PRKCA: variants seen among roughly 807,000 people sequenced by gnomAD.
PRKCA encodes the protein protein kinase C alpha type.
In PRKCA, 27 loss-of-function variants were observed where a neutral mutation model predicts 87.0. That is an observed-to-expected ratio of 0.31 (90% CI 0.23 to 0.43). PRKCA has a LOEUF of 0.43. PRKCA is among the 20% of genes least tolerant of loss of function. PRKCA has a pLI of 1.00. For synonymous variants in PRKCA, 329 were observed against 311.1 expected (o/e 1.06, Z -0.61); for missense variants, 518 against 852.3 (o/e 0.61, Z 4.88).
At chr17:66,457,305 G>A (rs939459091) in intron 2 of PRKCA, among the ~76,000 whole-genome samples, 1 of 152,114 alleles carries the variant, frequency 6.6e-6, no homozygotes, top group African/African-American at 2.4e-5. Flanking sequence ...GGCATTTGGG[G>A]TGAAGAGATG....
rs1364948185 is a variant in PRKCA, at chr17:66,701,037, T to C, written c.918+11990T>C. ...AGGACGGAGGTATCACACTTTCTGA[T>C]CCAAATTATATTACACATCTATAAT... On this transcript the variant is annotated intron_variant, in intron 8 of 16. Transcript: ENST00000413366. Among the ~76,000 whole-genome samples, 7 of 152,120 alleles carry C rather than the reference T, an allele frequency of 4.6e-5. 1 individual carries two copies. Among genetic ancestry groups the C allele is most frequent in the African/African-American group, 1.4e-4 (6 of 41,442 alleles).
intron 5 of PRKCA, among the ~76,000 whole-genome samples, 188 bp downstream of exon 5, chr17:66,645,699 G>T (rs1480713543): frequency 6.6e-6 from 1 of 152,202 alleles, no homozygotes; most frequent in Non-Finnish European, 1.5e-5. Flanking sequence ...CACCTCCCAG[G>T]AGATGGGTCT....
intron 14 of PRKCA, among the ~76,000 whole-genome samples, chr17:66,782,640 C>T (rs28412064): frequency 2.6e-5 from 4 of 152,142 alleles, no homozygotes; most frequent in African/African-American, 9.7e-5. Context: ...TGCCCCACCC[C>T]CTTCATTTTC....
At chr17:66,476,266 C>T (rs972342633) in intron 2 of PRKCA, among the ~76,000 whole-genome samples, 7 of 152,286 alleles carry the variant, frequency 4.6e-5, no homozygotes, top group East Asian at 1.9e-4. Flanking sequence ...TTTAGATGTA[C>T]GTGGTCACAC....
intron 3 of PRKCA, among the ~76,000 whole-genome samples, chr17:66,548,077 C>T (rs956165310): frequency 2.6e-5 from 4 of 152,152 alleles, no homozygotes; most frequent in Non-Finnish European, 2.9e-5. Context: ...AGAAACCATA[C>T]GAATTGTAGC....
chr17:66,517,433 T>A (rs1967004799), intron 3 of PRKCA, among the ~76,000 whole-genome samples: 1 of 152,192 alleles, frequency 6.6e-6, no homozygotes, highest in Admixed American at 6.5e-5. Context: ...TTCATACCAC[T>A]TGTTGTAATT....
chr17:66,490,975 C>G (rs1328805264), intron 2 of PRKCA, among the ~76,000 whole-genome samples: 1 of 152,188 alleles, frequency 6.6e-6, no homozygotes, highest in Admixed American at 6.5e-5. Context: ...TAATTTCCAT[C>G]TAGTTTACTT....
intron 3 of PRKCA, among the ~76,000 whole-genome samples, chr17:66,641,125 T>G (rs1466730084): frequency 6.9e-6 from 1 of 145,754 alleles, no homozygotes; most frequent in Admixed American, 7.0e-5. Context: ...GCCACTGCAC[T>G]CCAGCCTGGG....
chr17:66,772,833 A>G (rs560406401), intron 13 of PRKCA, among the ~76,000 whole-genome samples: 28 of 152,204 alleles, frequency 1.8e-4, no homozygotes, highest in Middle Eastern at 3.4e-3. Context: ...AGCTGCCAGC[A>G]TTTGCCAACT....
At chr17:66,322,639 G>T (rs76259832) in intron 2 of PRKCA, among the ~76,000 whole-genome samples, 15,065 of 132,108 alleles carry the variant, frequency 0.11, 1,115 homozygotes, top group East Asian at 0.22. Context: ...ATTTTTAATT[G>T]TTTTTTTTTT....
At chr17:66,753,030 C>A (rs2144269256) in intron 13 of PRKCA, among the ~76,000 whole-genome samples, 2 of 152,278 alleles carry the variant, frequency 1.3e-5, no homozygotes, top group South Asian at 4.1e-4. Flanking sequence ...TAGATTTTTA[C>A]CAAGAGGCAA....
intron 2 of PRKCA, among the ~76,000 whole-genome samples, chr17:66,309,301 T>A (rs1904976540): frequency 6.6e-6 from 1 of 152,206 alleles, no homozygotes; most frequent in South Asian, 2.1e-4. Context: ...TTGTAATTTA[T>A]GCCATTTAGA....
intron 2 of PRKCA, among the ~76,000 whole-genome samples, chr17:66,404,910 C>T (rs755397342): frequency 6.6e-6 from 1 of 151,880 alleles, no homozygotes; most frequent in East Asian, 1.9e-4. Context: ...CCACCACGCC[C>T]GGCTAATTTT....
intron 3 of PRKCA, among the ~76,000 whole-genome samples, chr17:66,590,123 T>A (rs1038469109): frequency 2.0e-5 from 3 of 152,092 alleles, no homozygotes; most frequent in Non-Finnish European, 2.9e-5. Context: ...CACTGGCAGC[T>A]GGGCAGGAGG....
intron 5 of PRKCA, among the ~76,000 whole-genome samples, chr17:66,678,042 T>C (rs1188077404): frequency 6.6e-6 from 1 of 152,218 alleles, no homozygotes; most frequent in Non-Finnish European, 1.5e-5. Flanking sequence ...AATCTGTAAA[T>C]GTGCCCTTAA....
chr17:66,540,373 C>A (rs971483493), intron 3 of PRKCA, among the ~76,000 whole-genome samples: 1 of 152,182 alleles, frequency 6.6e-6, no homozygotes, highest in South Asian at 2.1e-4. Flanking sequence ...TGCCTGCAAA[C>A]CCTGGAGTGG....
intron 8 of PRKCA, among the ~76,000 whole-genome samples, chr17:66,716,797 A>T (rs907365533): frequency 6.6e-6 from 1 of 152,250 alleles, no homozygotes; most frequent in East Asian, 1.9e-4. Context: ...TCAGGGTCCC[A>T]CGTTTCTCCT....
intron 3 of PRKCA, among the ~76,000 whole-genome samples, chr17:66,512,437 T>C (rs7218053): frequency 0.49 from 74,527 of 151,226 alleles, 18,737 homozygotes; most frequent in East Asian, 0.76. Context: ...TGAGACCCTG[T>C]CTCCAACAAC....
chr17:66,741,744 C>A (rs776681881), intron 12 of PRKCA, 23 bp downstream of exon 12: 2 of 1,609,712 alleles, frequency 1.2e-6, no homozygotes, highest in Admixed American at 1.7e-5. Flanking sequence ...GCCCTCCTAC[C>A]AGCAGCTCAG....
Sources: allele counts gnomAD v4.1 joint callset (sites outside exome capture counted in the v4.1 genomes callset), GRCh38; gene constraint gnomAD v4.1.1; transcripts MANE v1.5; gene names NCBI Gene and HGNC (gene_info 2026-07-23, HGNC 2026-07-21).